Variants in HSPA9 observed in about 807,000 individuals in gnomAD.
HSPA9 encodes the protein stress-70 protein, mitochondrial.
HSPA9 carries 28 observed loss-of-function variants against 81.5 expected under a neutral mutation model. That is an observed-to-expected ratio of 0.34 (90% confidence interval 0.25 to 0.47). The LOEUF is 0.47. Among genes scored for constraint, HSPA9 ranks in the 20% least tolerant of loss-of-function variants. The probability of loss-of-function intolerance (pLI) is 1.00; values close to 1 mark genes in which losing one functional copy is unlikely to be tolerated. For missense variants in HSPA9, 678 were observed against 838.0 expected (o/e 0.81, Z 2.36); for synonymous variants, 293 against 290.4 (o/e 1.01, Z -0.09).
At position 138,567,578 on chromosome 5, in the gene HSPA9, G is replaced by C. The variant is rs577655088; in HGVS notation, c.610-17C>G. On this transcript the variant is annotated splice_polypyrimidine_tract_variant and intron_variant, in intron 6 of 16. Coordinates refer to ENST00000297185, the MANE Select transcript of HSPA9 (RefSeq NM_004134.7). ...TTTAGTGGCCTAGAGAAAACAAAGA[G>C]AAAAACATTTTTGTACCCTTCCATC... The C allele has an allele frequency of 1.9e-6, 3 of 1,611,780 alleles. No homozygotes were observed. In the African/African-American group the frequency reaches 4.0e-5, roughly 21 times the overall value.
At chr5:138,563,695 G>A (rs763675200) in intron 9 of HSPA9, among the ~76,000 whole-genome samples, 68 of 152,136 alleles carry the variant, frequency 4.5e-4, no homozygotes, top group Non-Finnish European at 1.0e-4. Flanking sequence ...AATCTATAAA[G>A]CCTCTAGCCC....
At chr5:138,573,583 G>A (rs144288465) in intron 3 of HSPA9, among the ~76,000 whole-genome samples, 180 bp downstream of exon 3, 50 of 139,632 alleles carry the variant, frequency 3.6e-4, no homozygotes, top group African/African-American at 1.3e-3. Flanking sequence ...GGAGGCAGAG[G>A]TTGCAGTGAG....
chr5:138,566,003 A>G (rs1219168628), intron 9 of HSPA9, among the ~76,000 whole-genome samples: 3 of 152,114 alleles, frequency 2.0e-5, no homozygotes, highest in East Asian at 1.9e-4. Context: ...CCTGGCCAAC[A>G]TGGCAGAACC....
At chr5:138,565,572 T>C (rs1007068757) in intron 9 of HSPA9, among the ~76,000 whole-genome samples, 1 of 152,210 alleles carries the variant, frequency 6.6e-6, no homozygotes, top group African/African-American at 2.4e-5. Flanking sequence ...TAAAATGGTT[T>C]ATATAATTCT....
chr5:138,564,445 G>A (rs529173867), intron 9 of HSPA9, among the ~76,000 whole-genome samples: 1 of 152,252 alleles, frequency 6.6e-6, no homozygotes, highest in African/African-American at 2.4e-5. Context: ...TGTCACCCAG[G>A]TTGGGGTGCA....
At chr5:138,573,904 T>A in intron 2 of HSPA9, 54 bp from the exon 3 acceptor site, 1 of 1,401,682 alleles carries the variant, frequency 7.1e-7, no homozygotes, top group Non-Finnish European at 1.0e-6. Context: ...TAGACCAAAG[T>A]CACTGGAAGA....
At chr5:138,565,401 G>C (rs1750741754) in intron 9 of HSPA9, among the ~76,000 whole-genome samples, 2 of 152,108 alleles carry the variant, frequency 1.3e-5, no homozygotes, top group South Asian at 4.1e-4. Context: ...GGTTTGAGGG[G>C]AAGGTTCATT....
At position 138,560,094 on chromosome 5, in the gene HSPA9, G is replaced by A. The variant is rs1750622044; in HGVS notation, c.1183-3C>T. 1 of 1,611,550 alleles carries A rather than the reference G, an allele frequency of 6.2e-7. No individual in the cohort carries two copies. Among genetic ancestry groups the A allele is most frequent in the African/African-American group, 1.3e-5 (1 of 74,888 alleles). On this transcript the variant is annotated splice_region_variant and splice_polypyrimidine_tract_variant and intron_variant, in intron 10 of 16. Coordinates refer to ENST00000297185, the MANE Select transcript of HSPA9 (RefSeq NM_004134.7). The stretch of plus-strand genomic sequence containing the variant: ...AGATCCTGTACAGTCTGCTGAACCT[G>A]AACATCAAGGAAAAAGAACCTGTCG...
chr5:138,573,939 GT>G, intron 2 of HSPA9, 89 bp from the exon 3 acceptor site: 1 of 1,244,702 alleles, frequency 8.0e-7, no homozygotes, highest in Non-Finnish European at 1.2e-6. Context: ...AAAATTAACA[GT>G]GGTATACTAC....
At position 138,567,549 on chromosome 5, in the gene HSPA9, C is replaced by A; in HGVS notation, c.622G>T (p.Ala208Ser). 1 of 1,613,666 alleles carries A rather than the reference C, an allele frequency of 6.2e-7. No individual in the cohort carries two copies. The highest frequency in any genetic ancestry group is 8.5e-7 in the Non-Finnish European group (1 of 1,179,540). Residue 208 changes from alanine (A) to serine (S), a missense_variant, in exon 7 of 17, where the codon GCT becomes TCT. By Grantham distance (99) the Ala-to-Ser change is moderately conservative. Coordinates refer to ENST00000297185, the MANE Select transcript of HSPA9 (RefSeq NM_004134.7). ...ACATTCAGTCCAGATATCTGGCCAG[C>A]ATCTTTAGTGGCCTAGAGAAAACAA... ...NDSQRQATKD[A>S]GQISGLNVLR...
chr5:138,557,336 C>T (rs1750550570), intron 14 of HSPA9, 66 bp downstream of exon 14: 1 of 1,102,644 alleles, frequency 9.1e-7, no homozygotes, highest in Non-Finnish European at 1.4e-6. Context: ...TGCGCCCAGC[C>T]CCAAACTCCC....
At chr5:138,560,583 C>CG (rs1750633327) in intron 10 of HSPA9, among the ~76,000 whole-genome samples, 1 of 144,226 alleles carries the variant, frequency 6.9e-6, no homozygotes, top group African/African-American at 2.6e-5. Context: ...TTTTTTGAGA[C>CG]GGAGTCTCGC....
At chr5:138,575,158 G>T in intron 1 of HSPA9, 80 bp downstream of exon 1, 1 of 977,438 alleles carries the variant, frequency 1.0e-6, no homozygotes. Context: ...AACCCTAAAG[G>T]GCGCGCGGCC....
At chr5:138,565,924 G>A (rs550542593) in intron 9 of HSPA9, among the ~76,000 whole-genome samples, 11 of 152,216 alleles carry the variant, frequency 7.2e-5, no homozygotes, top group East Asian at 3.9e-4. Flanking sequence ...AGTGGCTCAC[G>A]CCCATTATCC....
At position 138,554,882 on chromosome 5, in the gene HSPA9, T is replaced by C. The variant is rs572224581; in HGVS notation, c.*1155A>G. 24 of 152,258 alleles carry C rather than the reference T, an allele frequency of 1.6e-4. No individual in the cohort carries two copies. Among genetic ancestry groups the C allele is most frequent in the African/African-American group, 5.5e-4 (23 of 41,556 alleles). 9.4% of individuals were successfully genotyped at this position (152,258 alleles called of 1,614,324 possible). A position where few individuals can be genotyped will look rare whatever the true frequency, so the allele number is the denominator to read the frequency against. On this transcript the variant is annotated 3_prime_UTR_variant, in exon 17 of 17. Coordinates refer to ENST00000297185, the MANE Select transcript of HSPA9 (RefSeq NM_004134.7). Reference sequence around the variant, plus strand: ...TACACTGAGGACAGAAAAGCAGAAATAGGGAAAGAAATCTGGGTTCCTTTT... The same window carrying C: ...TACACTGAGGACAGAAAAGCAGAAACAGGGAAAGAAATCTGGGTTCCTTTT...
In HSPA9 at chr5:138,567,090, C is replaced by A. The variant is rs1187725149; in HGVS notation, c.790G>T (p.Val264Leu). 1 of 1,613,790 alleles carries A rather than the reference C, an allele frequency of 6.2e-7. No individual in the cohort carries two copies. Among genetic ancestry groups the A allele is most frequent in the Non-Finnish European group, 8.5e-7 (1 of 1,179,828 alleles). ...ILEIQKGVFE[V>L]KSTNGDTFLG... The stretch of plus-strand genomic sequence containing the variant: ...AAGGTATCCCCATTTGTGGATTTCA[C>A]CTCAAATACTCCTTTCTGAATTTCC... Residue 264 changes from valine (V) to leucine (L), a missense_variant, in exon 8 of 17, where the codon GTG becomes TTG. Physicochemically the swap from Val to Leu is conservative, Grantham distance 32. Coordinates refer to ENST00000297185, the MANE Select transcript of HSPA9 (RefSeq NM_004134.7).
At position 138,566,604 on chromosome 5, in the gene HSPA9, G is replaced by C. The variant is rs761890874; in HGVS notation, c.972+22C>G. 4 of 1,521,726 alleles carry C rather than the reference G, an allele frequency of 2.6e-6. No homozygotes were observed. The South Asian group carries it at 3.4e-5, about 13-fold the overall frequency. 94.3% of individuals were successfully genotyped at this position (1,521,726 alleles called of 1,614,324 possible). On this transcript the variant is annotated intron_variant, in intron 9 of 16. Transcript: ENST00000297185. ...CCGGCTGAAAATATCCATCAAGACT[G>C]CTCGAATTTTCCGTGTCTCACCTGC... is the stretch of plus-strand genomic sequence containing the variant.
chr5:138,574,863 TACAC>T (rs1055964858), intron 1 of HSPA9: 104 of 271,140 alleles, frequency 3.8e-4, no homozygotes, highest in African/African-American at 2.0e-3. Context: ...ACGGGATCCT[TACAC>T]ACTCTGTATT....
chr5:138,569,062 A>C lies in HSPA9; in HGVS notation c.411-13T>G, dbSNP rs1287598937. On this transcript the variant is annotated splice_polypyrimidine_tract_variant and intron_variant, in intron 4 of 16. Coordinates refer to ENST00000297185, the MANE Select transcript of HSPA9 (RefSeq NM_004134.7). Reference sequence around the variant, plus strand: ...GGGAACATTTTTACTGTAAGACACAAAAATTCTATTAGAGAAAACTACCTG... The same window carrying C: ...GGGAACATTTTTACTGTAAGACACACAAATTCTATTAGAGAAAACTACCTG... 6.2e-7 allele frequency: 1 copy of C among 1,612,978 alleles called. No individual in the cohort carries two copies. The highest frequency in any genetic ancestry group is 1.3e-5 in the African/African-American group (1 of 74,912).
Sources: allele counts gnomAD v4.1 joint callset (sites outside exome capture counted in the v4.1 genomes callset), GRCh38; gene constraint gnomAD v4.1.1; transcripts MANE v1.5; gene names NCBI Gene and HGNC (gene_info 2026-07-23, HGNC 2026-07-21).